Variants in ARAP3 observed in about 807,000 individuals in gnomAD.
The protein encoded by ARAP3 is arf-GAP with Rho-GAP domain, ANK repeat and PH domain-containing protein 3.
In ARAP3, 82 loss-of-function variants were observed where a neutral mutation model predicts 169.2. The ratio of observed to expected loss-of-function variants is 0.48; its 90% CI spans 0.41 to 0.58. ARAP3 has a LOEUF of 0.58. Among genes scored for constraint, ARAP3 ranks in the 20% least tolerant of loss-of-function variants. The pLI is 0.00. For missense variants in ARAP3, 1,764 were observed against 2,018.0 expected (o/e 0.87, Z 2.41); for synonymous variants, 791 against 800.3 (o/e 0.99, Z 0.20).
At position 141,654,020 on chromosome 5, in the gene ARAP3, G is replaced by T; in HGVS notation, c.4565C>A (p.Thr1522Lys). ...PQSPSPTGLPTQTPGFPTQPP... is the reference protein window; with the variant it reads ...PQSPSPTGLPKQTPGFPTQPP... ...TTGGGTGGGGAAGCCAGGTGTCTGT[G>T]TTGGAAGGCCAGTGGGGCTGGGGGA... The change falls in exon 33 of 33, where the codon ACA becomes AAA. Residue 1522 changes from threonine to lysine, a missense_variant. Coordinates refer to ENST00000239440, the MANE Select transcript of ARAP3 (RefSeq NM_022481.6). The T allele has an allele frequency of 6.3e-7, 1 of 1,574,868 alleles. No homozygotes were observed. The highest frequency in any genetic ancestry group is 8.6e-7 in the Non-Finnish European group (1 of 1,162,066).
In ARAP3 at chr5:141,654,216, C is replaced by T; in HGVS notation, c.4369G>A (p.Gly1457Ser). 1 of 1,614,094 alleles carries T rather than the reference C, an allele frequency of 6.2e-7. No individual in the cohort carries two copies. Among genetic ancestry groups the T allele is most frequent in the Non-Finnish European group, 8.5e-7 (1 of 1,179,998 alleles). ...GGCTCAGGTGGCCTCTCCTCCTGGC[C>T]AAGGGTGCTTGACTTGGAGAGAAAG... is the stretch of plus-strand genomic sequence containing the variant. Reference protein sequence around the residue: ...QPFLSKSSTLGQEERPPEPPP... With the variant: ...QPFLSKSSTLSQEERPPEPPP... Residue 1457 changes from glycine to serine, a missense_variant, in exon 33 of 33, where the codon GGC becomes AGC. Physicochemically the swap from Gly to Ser is moderately conservative, Grantham distance 56. This residue lies in a region of ARAP3 where 1,112 missense variants were observed against 1,285.7 expected (regional missense o/e 0.86). Transcript: ENST00000239440.
chr5:141,673,149 T>G lies in ARAP3; in HGVS notation c.973-16A>C. The G allele has an allele frequency of 1.9e-6, 3 of 1,614,040 alleles. No homozygotes were observed. In the South Asian group the frequency reaches 3.3e-5, roughly 18 times the overall value. ...GGAAGGGGTCCTGGAGAGAGAGAGCTCAATGACCCATGAGGACAGGAACTG... is the reference window on the plus strand; with the variant it reads ...GGAAGGGGTCCTGGAGAGAGAGAGCGCAATGACCCATGAGGACAGGAACTG... On this transcript the variant is annotated splice_polypyrimidine_tract_variant and intron_variant, in intron 6 of 32. Transcript: ENST00000239440.
In ARAP3 at chr5:141,666,521, G is replaced by T. The variant is rs751594414; in HGVS notation, c.2475C>A (p.Gly825=). ...PAPGLWLSGF[G]LLRGDHLFLC... is the part of the protein sequence containing the mutation. ...GGAAGAGGTGGTCACCACGAAGGAG[G>T]CCAAACCCTGACAGCCAGAGACCAG... is the stretch of plus-strand genomic sequence containing the variant. The change falls in exon 17 of 33, where the codon GGC becomes GGA. Residue 825 remains glycine, a synonymous_variant. Coordinates refer to ENST00000239440, the MANE Select transcript of ARAP3 (RefSeq NM_022481.6). 6.2e-7 allele frequency: 1 copy of T among 1,603,100 alleles called. No individual in the cohort carries two copies. The highest frequency in any genetic ancestry group is 1.7e-5 in the Admixed American group (1 of 58,478).
Position 141,659,709 on chromosome 5 carries a change from G to A in ARAP3, c.3267+70C>T, listed in dbSNP as rs2099909699. The A allele has an allele frequency of 4.5e-6, 7 of 1,562,480 alleles. No individual in the cohort carries two copies. The East Asian group carries it at 1.4e-4, about 31-fold the overall frequency. ...GCTGGGGGCTTGTTGGGGTGATCAG[G>A]ATCCAGAGTCTCTGGGTCCTGCAAG... is the stretch of plus-strand genomic sequence containing the variant. On this transcript the variant is annotated intron_variant, in intron 22 of 32. Coordinates refer to ENST00000239440, the MANE Select transcript of ARAP3 (RefSeq NM_022481.6).
At chr5:141,654,651 G>A (rs187174618) in intron 32 of ARAP3, among the ~76,000 whole-genome samples, 76 of 152,248 alleles carry the variant, frequency 5.0e-4, no homozygotes, top group African/African-American at 1.7e-3. Flanking sequence ...GAATGGTAGA[G>A]CTGGGGTTTG....
rs1473655785 is a variant in ARAP3 at position 141,664,292 on chromosome 5, G to C, written c.2800+630C>G. ...CCAGCTACTTGGGAGGCTGAGGCAG[G>C]AGAATTGCTTGAACCCGAGAAGCGG... On this transcript the variant is annotated intron_variant, in intron 19 of 32. Coordinates refer to ENST00000239440, the MANE Select transcript of ARAP3 (RefSeq NM_022481.6). 2.0e-5 allele frequency among the ~76,000 whole-genome samples: 3 copies of C among 152,256 alleles called. No individual in the cohort carries two copies. The South Asian group carries it at 6.2e-4, about 32-fold the overall frequency.
chr5:141,679,640 A>G lies in ARAP3; in HGVS notation c.603T>C (p.Pro201=). The G allele has an allele frequency of 1.2e-6, 2 of 1,614,128 alleles. No individual in the cohort carries two copies. The highest frequency in any genetic ancestry group is 8.5e-7 in the Non-Finnish European group (1 of 1,180,012). The part of the protein sequence containing the change: ...PTTGTVHIMD[P]GCLYYGVQPV... Reference sequence around the variant, plus strand: ...GTTGGACACCATAGTACAGGCAACCAGGATCCATGATGTGCACTGGCAGGA... The same window carrying G: ...GTTGGACACCATAGTACAGGCAACCGGGATCCATGATGTGCACTGGCAGGA... Residue 201 remains proline (P), a synonymous_variant, in exon 4 of 33, where the codon CCT becomes CCC. Coordinates refer to ENST00000239440, the MANE Select transcript of ARAP3 (RefSeq NM_022481.6).
intron 4 of ARAP3, among the ~76,000 whole-genome samples, chr5:141,677,204 T>G (rs779175197): frequency 6.6e-6 from 1 of 152,240 alleles, no homozygotes; most frequent in Non-Finnish European, 1.5e-5. Flanking sequence ...GTAATCAACA[T>G]AAAAATTACT....
rs780066176 is a variant in ARAP3 at position 141,666,403 on chromosome 5, C to T, written c.2572+21G>A. 2.6e-6 allele frequency: 4 copies of T among 1,510,914 alleles called. No homozygotes were observed. In the South Asian group the frequency reaches 3.9e-5, roughly 15 times the overall value. The allele number at this position is 1,510,914 out of a possible 1,614,324, so 93.6% of individuals were successfully genotyped here. A position where few individuals can be genotyped will look rare whatever the true frequency, so the allele number is the denominator to read the frequency against. ...CGCATGGCCACCCTTCATCCCTGTC[C>T]CCCCAAACCTCCCCGCTTACTGATC... On this transcript the variant is annotated intron_variant, in intron 17 of 32. Coordinates refer to ENST00000239440, the MANE Select transcript of ARAP3 (RefSeq NM_022481.6).
rs2099908814 is a variant in ARAP3, at chr5:141,653,655, T to C, written c.*295A>G. 2 of 297,506 alleles carry C rather than the reference T, an allele frequency of 6.7e-6. No homozygotes were observed. The highest frequency in any genetic ancestry group is 1.2e-5 in the Non-Finnish European group (2 of 162,532). 18.4% of individuals were successfully genotyped at this position (297,506 alleles called of 1,614,324 possible). ...CGTATCAAATATATAAAGCAGGAGC[T>C]GCCCTTGTTCAGGGATAATATGTGG... is the stretch of plus-strand genomic sequence containing the variant. On this transcript the variant is annotated 3_prime_UTR_variant, in exon 33 of 33. Transcript: ENST00000239440.
chr5:141,680,167 C>A lies in ARAP3; in HGVS notation c.320G>T (p.Gly107Val). 1 of 1,606,656 alleles carries A rather than the reference C, an allele frequency of 6.2e-7. No individual in the cohort carries two copies. The highest frequency in any genetic ancestry group is 8.5e-7 in the Non-Finnish European group (1 of 1,175,026). The change falls in exon 2 of 33, where the codon GGC becomes GTC. Residue 107 changes from glycine (G) to valine (V), a missense_variant. By Grantham distance (109) the Gly-to-Val change is moderately radical. Transcript: ENST00000239440. ...KPRTVFGGLSGPATTQRPGLS... is the reference protein window; with the variant it reads ...KPRTVFGGLSVPATTQRPGLS... ...CCCAGGTCTCTGAGTGGTGGCAGGGCCACTGAGTCCACCAAACACGGTCCT... is the reference window on the plus strand; with the variant it reads ...CCCAGGTCTCTGAGTGGTGGCAGGGACACTGAGTCCACCAAACACGGTCCT...
chr5:141,676,088 G>A (rs945000837), intron 4 of ARAP3, among the ~76,000 whole-genome samples: 2 of 152,112 alleles, frequency 1.3e-5, no homozygotes, highest in African/African-American at 4.8e-5. Context: ...GGACAGGTAC[G>A]GTGGCTCACG....
intron 22 of ARAP3, 33 bp downstream of exon 22, chr5:141,659,746 G>C: frequency 6.3e-7 from 1 of 1,596,130 alleles, no homozygotes; most frequent in Non-Finnish European, 8.6e-7. Context: ...GTAGGGGAAA[G>C]GGGTTGTGGG....
intron 16 of ARAP3, 73 bp from the exon 17 acceptor site, chr5:141,666,716 G>C: frequency 1.3e-6 from 1 of 742,770 alleles, no homozygotes; most frequent in Non-Finnish European, 1.9e-6. Flanking sequence ...AGAAATGAGA[G>C]TGACCGGGGT....
In ARAP3 at chr5:141,656,261, G is replaced by C. The variant is rs539283748; in HGVS notation, c.3805C>G (p.Arg1269Gly). 1.2e-6 allele frequency: 2 copies of C among 1,614,158 alleles called. No homozygotes were observed. Among genetic ancestry groups the C allele is most frequent in the Admixed American group, 1.7e-5 (1 of 60,026 alleles). Residue 1269 changes from arginine to glycine, a missense_variant, in exon 28 of 33, where the codon CGG becomes GGG. Around this residue, in one of 3 missense-constraint regions of ARAP3, gnomAD observed 1,112 missense variants for 1,285.7 expected, o/e 0.86. Transcript: ENST00000239440. ...TTGGCACCTTCCAAAGGCCACTCCC[G>C]TTCTGGTTTAGAGCTCTGAGAACAG... ...LKEKKSSKPE[R>G]EWPLEGAKVY...
chr5:141,660,404 G>GAATGGCGT (rs1226581505), intron 21 of ARAP3, among the ~76,000 whole-genome samples: 1 of 151,256 alleles, frequency 6.6e-6, no homozygotes, highest in African/African-American at 2.4e-5. Context: ...TGAGGCAGGA[G>GAATGGCGT]AATGGCGTGA....
At chr5:141,664,788 C>T (rs984953709) in intron 19 of ARAP3, 134 bp downstream of exon 19, 2 of 1,130,664 alleles carry the variant, frequency 1.8e-6, no homozygotes, top group Admixed American at 2.4e-5. Context: ...AGCTGGGGTC[C>T]AGCTGCAGTT....
chr5:141,656,184 G>A lies in ARAP3; in HGVS notation c.3872+10C>T, dbSNP rs775518944. The stretch of plus-strand genomic sequence containing the variant: ...GGCCCTGGAAGTGCGGGCTGGGGAA[G>A]AAAACTCACGGTGTTGGGGGCTTTA... On this transcript the variant is annotated intron_variant, in intron 28 of 32. Transcript: ENST00000239440. 9 of 1,614,160 alleles carry A rather than the reference G, an allele frequency of 5.6e-6. No homozygotes were observed. The South Asian group carries it at 8.8e-5, about 16-fold the overall frequency.
At chr5:141,659,974 A>G in intron 21 of ARAP3, 48 bp from the exon 22 acceptor site, 1 of 1,522,344 alleles carries the variant, frequency 6.6e-7, no homozygotes, top group Middle Eastern at 1.7e-4. Context: ...CTCATTCAGC[A>G]AACACTTATT....
Sources: gnomAD v4.1 joint callset for allele counts (sites outside exome capture counted in the v4.1 genomes callset) on GRCh38, gnomAD v4.1.1 for gene constraint, gnomAD v4.1.1 regional missense constraint, MANE v1.5 for transcripts, NCBI Gene and HGNC (gene_info 2026-07-23, HGNC 2026-07-21) for gene names.